Variants in GRM1 observed in about 807,000 individuals in gnomAD.
The protein encoded by GRM1 is glutamate metabotropic receptor 1.
Under a neutral mutation model 90.9 loss-of-function variants are expected in GRM1, and 33 were observed. The ratio of observed to expected loss-of-function variants is 0.36; its 90% CI spans 0.28 to 0.49. The LOEUF is 0.49. GRM1 is among the 20% of genes least tolerant of loss of function. The pLI is 0.99. For synonymous variants in GRM1, 700 were observed against 613.2 expected (o/e 1.14, Z -2.09); for missense variants, 1,190 against 1,534.3 (o/e 0.78, Z 3.75).
chr6:146,383,014 G>T lies in GRM1; in HGVS notation c.1603-3876G>T, dbSNP rs537283958. ...ACTATGGGGAGGGAGCATAATTTCAGTGTAAATTAATAAAGTCTGAGTCTA... is the reference window on the plus strand; with the variant it reads ...ACTATGGGGAGGGAGCATAATTTCATTGTAAATTAATAAAGTCTGAGTCTA... On this transcript the variant is annotated intron_variant, in intron 5 of 7. Coordinates refer to ENST00000282753, the MANE Select transcript of GRM1 (RefSeq NM_001278064.2). Among the ~76,000 whole-genome samples, 11 of 152,202 alleles carry T rather than the reference G, an allele frequency of 7.2e-5. No homozygotes were observed. In the South Asian group the frequency reaches 2.3e-3, roughly 32 times the overall value.
Position 146,437,024 on chromosome 6 carries a change from G to A in GRM1, c.*2228G>A, listed in dbSNP as rs1454786096. The A allele has an allele frequency of 6.6e-6, 1 of 152,234 alleles. No individual in the cohort carries two copies. Among genetic ancestry groups the A allele is most frequent in the African/African-American group, 2.4e-5 (1 of 41,430 alleles). The allele number at this position is 152,234 out of a possible 1,614,324, so 9.4% of individuals were successfully genotyped here. A position where few individuals can be genotyped will look rare whatever the true frequency, so the allele number is the denominator to read the frequency against. On this transcript the variant is annotated 3_prime_UTR_variant, in exon 8 of 8. Coordinates refer to ENST00000282753, the MANE Select transcript of GRM1 (RefSeq NM_001278064.2). ...AACACCTTTATTGAAAAGATCTCAT[G>A]ACTGAGATGTGGACTTTGGTTCCAT...
At chr6:146,156,402 C>T (rs941353588) in intron 1 of GRM1, among the ~76,000 whole-genome samples, 10 of 152,036 alleles carry the variant, frequency 6.6e-5, no homozygotes, top group African/African-American at 1.7e-4. Flanking sequence ...AGTGAGACTC[C>T]GGCTCAAAAG....
At chr6:146,420,581 C>T (rs534764658) in intron 7 of GRM1, among the ~76,000 whole-genome samples, 1 of 152,294 alleles carries the variant, frequency 6.6e-6, no homozygotes, top group South Asian at 2.1e-4. Flanking sequence ...TATATGTTCA[C>T]AGTGTCTCAT....
chr6:146,373,581 G>T (rs1775984599), intron 5 of GRM1, among the ~76,000 whole-genome samples: 1 of 152,058 alleles, frequency 6.6e-6, no homozygotes, highest in Non-Finnish European at 1.5e-5. Context: ...TGAGATTTGG[G>T]GATGGGGGCG....
At chr6:146,125,524 C>T (rs376219666) in intron 1 of GRM1, among the ~76,000 whole-genome samples, 3 of 151,230 alleles carry the variant, frequency 2.0e-5, no homozygotes, top group African/African-American at 7.3e-5. Context: ...CCTCTACTTT[C>T]CTCCCATTAT....
chr6:146,059,313 CT>C (rs1775585576), intron 1 of GRM1, among the ~76,000 whole-genome samples: 1 of 152,130 alleles, frequency 6.6e-6, no homozygotes, highest in East Asian at 1.9e-4. Context: ...CCTCAGAACT[CT>C]TGGGTGACCA....
At chr6:146,151,757 T>G (rs1285581190) in intron 1 of GRM1, among the ~76,000 whole-genome samples, 1 of 152,170 alleles carries the variant, frequency 6.6e-6, no homozygotes, top group East Asian at 1.9e-4. Flanking sequence ...TTACCCCCAT[T>G]TTCAGTGCCT....
chr6:146,396,069 C>CATCT (rs3065122), intron 6 of GRM1, among the ~76,000 whole-genome samples: 14,384 of 136,122 alleles, frequency 0.11, 1,080 homozygotes, highest in African/African-American at 0.22. Flanking sequence ...ACCTATCCAT[C>CATCT]ATCTATCTAT....
At chr6:146,279,068 C>A (rs912744542) in intron 2 of GRM1, among the ~76,000 whole-genome samples, 1 of 152,126 alleles carries the variant, frequency 6.6e-6, no homozygotes, top group Non-Finnish European at 1.5e-5. Context: ...CCATTAAATT[C>A]TTCCTGAGTC....
chr6:146,231,026 A>G (rs2114703431), intron 2 of GRM1, among the ~76,000 whole-genome samples: 1 of 152,302 alleles, frequency 6.6e-6, no homozygotes, highest in African/African-American at 2.4e-5. Context: ...GAACAGGAAG[A>G]ACATGGAGGA....
chr6:146,384,028 G>C (rs1416954766), intron 5 of GRM1, among the ~76,000 whole-genome samples: 1 of 152,096 alleles, frequency 6.6e-6, no homozygotes, highest in Non-Finnish European at 1.5e-5. Context: ...GAGACAGAAA[G>C]ACAGAAATAA....
At chr6:146,178,641 T>G (rs1336924647) in intron 2 of GRM1, among the ~76,000 whole-genome samples, 1 of 152,230 alleles carries the variant, frequency 6.6e-6, no homozygotes. Context: ...TTTTAGGTTT[T>G]GGGACATTTT....
At chr6:146,199,929 A>G (rs1448429332) in intron 2 of GRM1, among the ~76,000 whole-genome samples, 1 of 152,164 alleles carries the variant, frequency 6.6e-6, no homozygotes, top group Non-Finnish European at 1.5e-5. Flanking sequence ...AGGCAGGAGA[A>G]TCGCTTGAAC....
chr6:146,234,477 T>C (rs1244454666), intron 2 of GRM1, among the ~76,000 whole-genome samples: 1 of 152,050 alleles, frequency 6.6e-6, no homozygotes, highest in Non-Finnish European at 1.5e-5. Context: ...TTTATATCTG[T>C]CTGAATTTTT....
upstream of GRM1, among the ~76,000 whole-genome samples, chr6:146,028,076 G>A (rs1235813135): frequency 1.3e-5 from 2 of 152,146 alleles, no homozygotes; most frequent in African/African-American, 4.8e-5. Flanking sequence ...AAAAGGAGCA[G>A]GGGAGGAACG....
At chr6:146,236,727 T>G (rs1780659123) in intron 2 of GRM1, among the ~76,000 whole-genome samples, 1 of 152,168 alleles carries the variant, frequency 6.6e-6, no homozygotes, top group African/African-American at 2.4e-5. Context: ...GATATTTTCT[T>G]CATTTTCCAG....
At chr6:146,266,665 G>C (rs76060332) in intron 2 of GRM1, among the ~76,000 whole-genome samples, 2 of 152,256 alleles carry the variant, frequency 1.3e-5, no homozygotes, top group Non-Finnish European at 2.9e-5. Context: ...TTTTCTCTTT[G>C]TAACTTGTTC....
At chr6:146,404,320 T>A (rs754015579) in intron 7 of GRM1, among the ~76,000 whole-genome samples, 1 of 152,006 alleles carries the variant, frequency 6.6e-6, no homozygotes, top group African/African-American at 2.4e-5. Flanking sequence ...TGCTAGGTAG[T>A]CAAGATAAAA....
At chr6:146,413,904 A>C (rs1039228299) in intron 7 of GRM1, among the ~76,000 whole-genome samples, 2 of 152,154 alleles carry the variant, frequency 1.3e-5, no homozygotes, top group Non-Finnish European at 2.9e-5. Flanking sequence ...TATTCCCTTT[A>C]ATTGCTGAGT....
Sources: allele counts gnomAD v4.1 joint callset (sites outside exome capture counted in the v4.1 genomes callset), GRCh38; gene constraint gnomAD v4.1.1; transcripts MANE v1.5; gene names NCBI Gene and HGNC (gene_info 2026-07-23, HGNC 2026-07-21).